The following TMTC2 variants were observed in gnomAD, a reference collection of about 807,000 sequenced individuals.
TMTC2 encodes protein O-mannosyl-transferase TMTC2.
A neutral mutation model predicts 82.4 loss-of-function variants in TMTC2; 43 were observed. The ratio of observed to expected loss-of-function variants is 0.52; its 90% confidence interval spans 0.41 to 0.67. TMTC2 has a LOEUF of 0.67. TMTC2 is among the 30% of genes least tolerant of loss of function. TMTC2 has a pLI of 0.00. For missense variants in TMTC2, 919 were observed against 1,012.4 expected (o/e 0.91, Z 1.25); for synonymous variants, 408 against 381.9 (o/e 1.07, Z -0.80).
At chr12:82,858,322 G>C (rs982999542) in intron 2 of TMTC2, among the ~76,000 whole-genome samples, 3 of 152,160 alleles carry the variant, frequency 2.0e-5, no homozygotes, top group Admixed American at 6.5e-5. Flanking sequence ...TTGAGCGGAC[G>C]GGGCATCTTG....
chr12:82,726,877 T>TC (rs1874478852), intron 1 of TMTC2, among the ~76,000 whole-genome samples: 2 of 88,436 alleles, frequency 2.3e-5, no homozygotes, highest in Admixed American at 3.1e-4. Flanking sequence ...AGACTCTGTC[T>TC]CAAAAAAAAA....
chr12:82,799,806 C>T (rs755039679), intron 1 of TMTC2, among the ~76,000 whole-genome samples: 1 of 152,024 alleles, frequency 6.6e-6, no homozygotes, highest in Non-Finnish European at 1.5e-5. Flanking sequence ...GAGGTCTTGC[C>T]GATGAATCCC....
chr12:83,011,561 G>A (rs749509025), intron 8 of TMTC2, among the ~76,000 whole-genome samples: 11 of 152,112 alleles, frequency 7.2e-5, no homozygotes, highest in South Asian at 2.1e-4. Flanking sequence ...AACTGTACTC[G>A]TTCAGCCTTA....
intron 8 of TMTC2, among the ~76,000 whole-genome samples, chr12:83,010,495 T>C (rs1880406885): frequency 6.6e-6 from 1 of 152,148 alleles, no homozygotes; most frequent in South Asian, 2.1e-4. Context: ...CCTGCATGTA[T>C]TTACATTTCT....
At chr12:82,786,190 G>T (rs1164603395) in intron 1 of TMTC2, among the ~76,000 whole-genome samples, 1 of 151,974 alleles carries the variant, frequency 6.6e-6, no homozygotes, top group Non-Finnish European at 1.5e-5. Context: ...ATCTGCATGG[G>T]TGTAAAGTGT....
At chr12:82,773,462 C>CCTTTTTTTTTTTT (rs1555184194) in intron 1 of TMTC2, among the ~76,000 whole-genome samples, 2 of 129,836 alleles carry the variant, frequency 1.5e-5, no homozygotes, top group Non-Finnish European at 1.7e-5. Context: ...AGTGATATTT[C>CCTTTTTTTTTTTT]TTTTTTTTTT....
At chr12:82,911,007 A>C (rs1874617090) in intron 3 of TMTC2, among the ~76,000 whole-genome samples, 1 of 151,498 alleles carries the variant, frequency 6.6e-6, no homozygotes, top group South Asian at 2.1e-4. Context: ...CAGCCTCCCG[A>C]GTAGCTGGGA....
chr12:83,076,281 C>A (rs912206896), intron 11 of TMTC2, among the ~76,000 whole-genome samples: 40 of 152,166 alleles, frequency 2.6e-4, no homozygotes, highest in Admixed American at 2.6e-3. Context: ...ATAGCAGGAA[C>A]GTAAGTAGCT....
rs542582847 is a variant in TMTC2, at chr12:82,962,307, G to T, written c.1599-2717G>T. Among the ~76,000 whole-genome samples the T allele has an allele frequency of 1.7e-4, 26 of 152,098 alleles. 1 individual carries two copies. The Middle Eastern group carries it at 0.01, about 60-fold the overall frequency. On this transcript the variant is annotated intron_variant, in intron 4 of 11. Transcript: ENST00000321196. ...CATGTTCATTCCATCTAGCCTAATA[G>T]CATGTTTGCCCTTTAGGAATGTAAT...
chr12:83,077,474 A>G (rs1883317863), intron 11 of TMTC2, among the ~76,000 whole-genome samples: 1 of 152,216 alleles, frequency 6.6e-6, no homozygotes, highest in African/African-American at 2.4e-5. Context: ...GATGTCTTCA[A>G]TTCTATATGA....
chr12:82,926,147 A>AT (rs1191608315), intron 3 of TMTC2, among the ~76,000 whole-genome samples: 5 of 151,944 alleles, frequency 3.3e-5, no homozygotes, highest in Non-Finnish European at 7.4e-5. Context: ...CACCCAGCTA[A>AT]TTTTTTGTAT....
At chr12:83,023,722 G>A (rs545495045) in intron 8 of TMTC2, among the ~76,000 whole-genome samples, 5 of 152,290 alleles carry the variant, frequency 3.3e-5, no homozygotes, top group East Asian at 1.9e-4. Flanking sequence ...AGGTCTCTTC[G>A]CCTATTCTGG....
chr12:82,851,063 C>CA (rs1350189214), intron 1 of TMTC2, among the ~76,000 whole-genome samples: 4 of 151,042 alleles, frequency 2.6e-5, no homozygotes, highest in South Asian at 2.1e-4. Context: ...GACTCCATCT[C>CA]AAAAAAAAGA....
chr12:82,771,991 C>A (rs76889629), intron 1 of TMTC2, among the ~76,000 whole-genome samples: 2 of 152,104 alleles, frequency 1.3e-5, no homozygotes, highest in Non-Finnish European at 2.9e-5. Context: ...TAACCTTGTT[C>A]GTCTCATAGT....
intron 11 of TMTC2, among the ~76,000 whole-genome samples, chr12:83,086,056 A>G (rs1250559885): frequency 4.8e-5 from 7 of 147,070 alleles, no homozygotes; most frequent in African/African-American, 1.8e-4. Flanking sequence ...AGACACTCTG[A>G]TTGTTTTCTT....
At chr12:82,985,013 A>T (rs28593164) in intron 7 of TMTC2, among the ~76,000 whole-genome samples, 2 of 1,840 alleles carry the variant, frequency 1.1e-3, no homozygotes, top group East Asian at 0.083. Flanking sequence ...AACTGGTAAA[A>T]TTTATTTAGT....
intron 1 of TMTC2, among the ~76,000 whole-genome samples, chr12:82,853,261 C>A (rs1295997710): frequency 6.6e-6 from 1 of 152,122 alleles, no homozygotes; most frequent in Non-Finnish European, 1.5e-5. Flanking sequence ...TGCCACCATG[C>A]CTGCCTAATT....
intron 1 of TMTC2, among the ~76,000 whole-genome samples, chr12:82,730,687 C>T (rs893583337): frequency 6.6e-6 from 1 of 152,166 alleles, no homozygotes; most frequent in Non-Finnish European, 1.5e-5. Flanking sequence ...ATCTCTAAAT[C>T]AGATACAGTG....
chr12:83,064,766 T>C (rs1413472193), intron 11 of TMTC2, among the ~76,000 whole-genome samples: 1 of 151,988 alleles, frequency 6.6e-6, no homozygotes, highest in African/African-American at 2.4e-5. Context: ...AATGATTTAT[T>C]AGCAATGACA....
Sources: allele counts gnomAD v4.1 joint callset (sites outside exome capture counted in the v4.1 genomes callset), GRCh38; gene constraint gnomAD v4.1.1; transcripts MANE v1.5; gene names NCBI Gene and HGNC (gene_info 2026-07-23, HGNC 2026-07-21).